The following ABTB3 variants were observed in gnomAD, a reference collection of about 807,000 sequenced individuals.
ABTB3 encodes ankyrin repeat and BTB domain containing 3.
chr12:107,428,454 G>A, the ABTB3 span, among the ~76,000 whole-genome samples: 7 of 152,102 alleles, frequency 4.6e-5, no homozygotes, highest in African/African-American at 1.4e-4. Flanking sequence ...TAACACCCCA[G>A]GAGCACCCCT....
the ABTB3 span, among the ~76,000 whole-genome samples, chr12:107,592,536 G>A: frequency 1.2e-4 from 18 of 152,224 alleles, no homozygotes; most frequent in Non-Finnish European, 2.4e-4. Context: ...TTCATTCGAT[G>A]GAAAACCAAG....
chr12:107,452,000 T>G, the ABTB3 span, among the ~76,000 whole-genome samples: 1 of 152,134 alleles, frequency 6.6e-6, no homozygotes, highest in South Asian at 2.1e-4. Flanking sequence ...GTGCCTCTTT[T>G]GAGCTTCTGG....
chr12:107,500,304 C>T, the ABTB3 span, among the ~76,000 whole-genome samples: 1 of 152,160 alleles, frequency 6.6e-6, no homozygotes, highest in Non-Finnish European at 1.5e-5. Flanking sequence ...TCTCCCTGGC[C>T]CCCCATGACC....
chr12:107,617,033 C>T, the ABTB3 span: 2 of 1,558,880 alleles, frequency 1.3e-6, no homozygotes, highest in Non-Finnish European at 1.8e-6. Context: ...TCTTTCCTGA[C>T]ACCTGTGCAC....
the ABTB3 span, among the ~76,000 whole-genome samples, chr12:107,440,360 C>G: frequency 6.6e-6 from 1 of 152,204 alleles, no homozygotes; most frequent in Admixed American, 6.5e-5. Flanking sequence ...GGCATCTGCC[C>G]GTGCTTCTGC....
the ABTB3 span, among the ~76,000 whole-genome samples, chr12:107,539,354 G>A: frequency 5.9e-5 from 9 of 152,290 alleles, no homozygotes; most frequent in Admixed American, 1.3e-4. Flanking sequence ...TCTGACCAGT[G>A]GTTGGAGCTT....
At chr12:107,572,662 G>A in the ABTB3 span, among the ~76,000 whole-genome samples, 1 of 152,178 alleles carries the variant, frequency 6.6e-6, no homozygotes, top group Non-Finnish European at 1.5e-5. Flanking sequence ...ATACAGAGAG[G>A]AGATGGTGGT....
the ABTB3 span, chr12:107,318,923 G>A: frequency 6.3e-7 from 1 of 1,576,184 alleles, no homozygotes. Flanking sequence ...GGCGGCTGCA[G>A]CATGAAGTGG....
chr12:107,335,207 A>G, the ABTB3 span, among the ~76,000 whole-genome samples: 1 of 144,030 alleles, frequency 6.9e-6, no homozygotes, highest in African/African-American at 2.6e-5. Context: ...GGATCACTTA[A>G]GCCCAGGAGT....
chr12:107,377,665 G>A, the ABTB3 span, among the ~76,000 whole-genome samples: 1 of 152,170 alleles, frequency 6.6e-6, no homozygotes, highest in Non-Finnish European at 1.5e-5. Context: ...TCTTTGCTGA[G>A]CTACTGTAAA....
the ABTB3 span, among the ~76,000 whole-genome samples, chr12:107,481,652 A>G: frequency 1.3e-5 from 2 of 152,094 alleles, no homozygotes; most frequent in Admixed American, 1.3e-4. Context: ...GTGGAAGAAA[A>G]TCCTACTCCA....
At chr12:107,372,202 T>C in the ABTB3 span, among the ~76,000 whole-genome samples, 1 of 152,204 alleles carries the variant, frequency 6.6e-6, no homozygotes, top group African/African-American at 2.4e-5. Context: ...AATGAATGAA[T>C]ATATCTTCTC....
the ABTB3 span, among the ~76,000 whole-genome samples, chr12:107,355,805 T>G: frequency 2.0e-5 from 3 of 152,276 alleles, no homozygotes; most frequent in Admixed American, 6.5e-5. Flanking sequence ...GTATCAGCAG[T>G]GCAACTTTAA....
At chr12:107,637,505 C>G in the ABTB3 span, among the ~76,000 whole-genome samples, 1 of 152,182 alleles carries the variant, frequency 6.6e-6, no homozygotes, top group Admixed American at 6.5e-5. Flanking sequence ...GCTCAAAGCT[C>G]ATGATATAAA....
chr12:107,325,270 G>A, the ABTB3 span, among the ~76,000 whole-genome samples: 1 of 152,200 alleles, frequency 6.6e-6, no homozygotes, highest in African/African-American at 2.4e-5. Context: ...TGCACAAAAT[G>A]CTTGCTCAGC....
the ABTB3 span, among the ~76,000 whole-genome samples, chr12:107,593,168 C>A: frequency 6.6e-6 from 1 of 152,330 alleles, no homozygotes; most frequent in African/African-American, 2.4e-5. Flanking sequence ...ACTATAGCTG[C>A]TTGCTACCTA....
At chr12:107,337,257 G>T in the ABTB3 span, among the ~76,000 whole-genome samples, 8 of 152,348 alleles carry the variant, frequency 5.3e-5, no homozygotes, top group African/African-American at 1.9e-4. Flanking sequence ...CTTGTATGGG[G>T]TTGCACAGCT....
the ABTB3 span, among the ~76,000 whole-genome samples, chr12:107,457,190 T>C: frequency 1.3e-5 from 2 of 152,224 alleles, no homozygotes; most frequent in Non-Finnish European, 2.9e-5. Flanking sequence ...CCCTTGATAA[T>C]CCTGGGCAAA....
chr12:107,575,317 G>A, the ABTB3 span, among the ~76,000 whole-genome samples: 1 of 152,016 alleles, frequency 6.6e-6, no homozygotes, highest in Non-Finnish European at 1.5e-5. Context: ...GAGAAGATGA[G>A]TGATGCTAAA....
Sources: gnomAD v4.1 joint callset for allele counts (sites outside exome capture counted in the v4.1 genomes callset) on GRCh38, gnomAD v4.1.1 for gene constraint, MANE v1.5 for transcripts, NCBI Gene and HGNC (gene_info 2026-07-23, HGNC 2026-07-21) for gene names.